The following CPPED1 variants were observed in gnomAD, a reference collection of about 807,000 sequenced individuals.
CPPED1 encodes serine/threonine-protein phosphatase CPPED1.
Under a neutral mutation model 28.0 loss-of-function variants are expected in CPPED1, and 28 were observed. The observed-to-expected ratio is 1.00, with a 90% CI of 0.74 to 1.37. The LOEUF (loss-of-function observed/expected upper bound fraction) is 1.37. Ranked by LOEUF, CPPED1 falls within the 40% of genes most tolerant of loss-of-function variation. CPPED1 has a pLI of 0.00. For synonymous variants in CPPED1, 198 were observed against 180.2 expected (o/e 1.10, Z -0.79); for missense variants, 504 against 416.5 (o/e 1.21, Z -1.83).
intron 3 of CPPED1, among the ~76,000 whole-genome samples, chr16:12,669,373 G>A (rs965618216): frequency 6.6e-6 from 1 of 152,160 alleles, no homozygotes; most frequent in Non-Finnish European, 1.5e-5. Context: ...TTTCTTTGTG[G>A]AATGGTAAAA....
intron 1 of CPPED1, among the ~76,000 whole-genome samples, chr16:12,801,509 G>A (rs2080659603): frequency 6.6e-6 from 1 of 151,914 alleles, no homozygotes; most frequent in Non-Finnish European, 1.5e-5. Context: ...GCTGGTGGGA[G>A]TATAAATTGG....
At chr16:12,776,775 C>T (rs572244044) in intron 2 of CPPED1, among the ~76,000 whole-genome samples, 3 of 152,098 alleles carry the variant, frequency 2.0e-5, no homozygotes, top group South Asian at 4.2e-4. Context: ...AAAAATTAGC[C>T]GGGTGTGGTG....
intron 1 of CPPED1, among the ~76,000 whole-genome samples, chr16:12,793,374 G>A (rs1397342467): frequency 1.3e-5 from 2 of 152,100 alleles, no homozygotes; most frequent in South Asian, 2.1e-4. Flanking sequence ...AGCGGGAGGC[G>A]GGGATAGACC....
chr16:12,709,854 TAGGC>T lies in CPPED1; in HGVS notation c.290-4809_290-4806del, dbSNP rs746736725. Among the ~76,000 whole-genome samples the T allele has an allele frequency of 2.8e-5, 4 of 145,320 alleles. No homozygotes were observed. Among genetic ancestry groups the T allele is most frequent in the Non-Finnish European group, 4.5e-5 (3 of 66,908 alleles). ...ATACTAGAAATCCTAGCCAGTGCAA[TAGGC>T]AGGCAGGCAGGCAGTCAGGGAAGGA... On this transcript the variant is annotated intron_variant, in intron 2 of 3. Transcript: ENST00000381774. The surrounding 1 kb of genome is among the most constrained non-coding windows in gnomAD (Gnocchi z 4.4).
chr16:12,683,824 A>C (rs1440785609), intron 3 of CPPED1, among the ~76,000 whole-genome samples: 4 of 152,182 alleles, frequency 2.6e-5, no homozygotes, highest in Admixed American at 2.6e-4. Flanking sequence ...GTGCTTAACT[A>C]TGATTTATCT....
chr16:12,729,772 C>G (rs1283221390), intron 2 of CPPED1, among the ~76,000 whole-genome samples: 1 of 152,124 alleles, frequency 6.6e-6, no homozygotes, highest in Admixed American at 6.5e-5. Context: ...ACTGTAAAGG[C>G]AGGAAACTCT....
intron 2 of CPPED1, among the ~76,000 whole-genome samples, chr16:12,777,382 G>T (rs1205072871): frequency 6.6e-6 from 1 of 152,170 alleles, no homozygotes; most frequent in African/African-American, 2.4e-5. Flanking sequence ...ATCTAACAAG[G>T]CTTCTGGGGA....
At chr16:12,746,355 C>T (rs2080287965) in intron 2 of CPPED1, among the ~76,000 whole-genome samples, 1 of 121,780 alleles carries the variant, frequency 8.2e-6, no homozygotes, top group Non-Finnish European at 1.6e-5. Context: ...GCCTAGGCGA[C>T]AGAGCAAGAC....
At chr16:12,675,325 G>A (rs1370943390) in intron 3 of CPPED1, among the ~76,000 whole-genome samples, 3 of 152,200 alleles carry the variant, frequency 2.0e-5, no homozygotes, top group African/African-American at 7.2e-5. Context: ...GTAAGGAGAT[G>A]ACAGGCATCT....
chr16:12,729,919 C>T (rs145089410), intron 2 of CPPED1, among the ~76,000 whole-genome samples: 15 of 152,218 alleles, frequency 9.9e-5, no homozygotes, highest in South Asian at 2.1e-4. Context: ...TGGAGTACAG[C>T]GGCGTGACCA....
intron 1 of CPPED1, among the ~76,000 whole-genome samples, chr16:12,795,424 C>A (rs2080621731): frequency 6.6e-6 from 1 of 152,174 alleles, no homozygotes; most frequent in Non-Finnish European, 1.5e-5. Flanking sequence ...ACTGCAAACT[C>A]CGCCTCCCAG....
intron 3 of CPPED1, among the ~76,000 whole-genome samples, chr16:12,680,439 G>A (rs1000153654): frequency 1.3e-5 from 2 of 152,040 alleles, no homozygotes; most frequent in African/African-American, 4.8e-5. Context: ...TGATCAATCT[G>A]TATCTTAATA....
chr16:12,699,519 G>A (rs2080009190), intron 3 of CPPED1, among the ~76,000 whole-genome samples: 1 of 152,098 alleles, frequency 6.6e-6, no homozygotes, highest in Non-Finnish European at 1.5e-5. Flanking sequence ...ATGCAACAAT[G>A]AGAGATGATT....
intron 2 of CPPED1, among the ~76,000 whole-genome samples, chr16:12,738,423 TCA>T (rs776958497): frequency 1.3e-5 from 2 of 151,634 alleles, no homozygotes; most frequent in Non-Finnish European, 1.5e-5. Flanking sequence ...ACTTTTATAA[TCA>T]CACACACACA....
chr16:12,703,462 A>G (rs564301963), intron 3 of CPPED1, among the ~76,000 whole-genome samples: 1 of 152,262 alleles, frequency 6.6e-6, no homozygotes, highest in South Asian at 2.1e-4. Flanking sequence ...TGGGTGAATC[A>G]CTTGGGGTCA....
intron 3 of CPPED1, among the ~76,000 whole-genome samples, chr16:12,701,079 A>G (rs1239625411): frequency 1.3e-5 from 2 of 152,114 alleles, no homozygotes; most frequent in Non-Finnish European, 2.9e-5. Flanking sequence ...AAATAAAAAA[A>G]TTAGCCAGGC....
rs58585247 is a variant in CPPED1, at chr16:12,687,453, G to A, written c.715+17171C>T. On this transcript the variant is annotated intron_variant, in intron 3 of 3. Transcript: ENST00000381774. ...GGGATAGGGCTTGGCCAGGGATTTG[G>A]CCATAGTGTCAGTGACCTCAACAAG... Among the ~76,000 whole-genome samples, 25 of 152,190 alleles carry A rather than the reference G, an allele frequency of 1.6e-4. No individual in the cohort carries two copies. The East Asian group carries it at 4.6e-3, about 28-fold the overall frequency.
Position 12,775,549 on chromosome 16 carries a change from G to A in CPPED1, c.289+5636C>T, listed in dbSNP as rs140919488. Among the ~76,000 whole-genome samples the A allele has an allele frequency of 4.0e-3, 613 of 152,194 alleles. 6 individuals carry two copies. The highest frequency in any genetic ancestry group is 0.02 in the Middle Eastern group (6 of 294). On this transcript the variant is annotated intron_variant, in intron 2 of 3. Coordinates refer to ENST00000381774, the MANE Select transcript of CPPED1 (RefSeq NM_018340.3). ...GAAGCATACTGGATTTTCAGATTAG[G>A]GATGCTCAATCTATCAGTGCTTCTT...
At chr16:12,785,866 C>A (rs2080559778) in intron 1 of CPPED1, among the ~76,000 whole-genome samples, 1 of 151,846 alleles carries the variant, frequency 6.6e-6, no homozygotes, top group African/African-American at 2.4e-5. Flanking sequence ...GCAACTTGAG[C>A]CATGGAAGTA....
Sources: allele counts gnomAD v4.1 joint callset (sites outside exome capture counted in the v4.1 genomes callset), GRCh38; gene constraint gnomAD v4.1.1; non-coding constraint Gnocchi (gnomAD v3.1); transcripts MANE v1.5; gene names NCBI Gene and HGNC (gene_info 2026-07-23, HGNC 2026-07-21).